Variants in VCP observed in about 807,000 individuals in gnomAD.
VCP encodes the protein transitional endoplasmic reticulum ATPase.
Under a neutral mutation model 85.7 loss-of-function variants are expected in VCP, and 6 were observed. That is an observed-to-expected ratio of 0.07 (90% CI 0.04 to 0.14). The LOEUF (loss-of-function observed/expected upper bound fraction) is 0.14, where lower values mean the gene tolerates loss of function less well. Ranked by LOEUF, VCP falls within the 10% of genes least tolerant of loss-of-function variation. The pLI is 1.00. For synonymous variants in VCP, 384 were observed against 367.1 expected, an observed-to-expected ratio of 1.05 and a Z score of -0.53; for missense variants, 353 against 1,043.4, an observed-to-expected ratio of 0.34 and a Z score of 9.12.
chr9:35,071,673 G>T, intron 1 of VCP: 1 of 980,048 alleles, frequency 1.0e-6, no homozygotes. Context: ...CAGGCCTAAA[G>T]TAAGAAGACC....
Position 35,057,242 on chromosome 9 carries a change from CAA to C in VCP, c.2316-22_2316-21del. 1 of 1,614,094 alleles carries C rather than the reference CAA, an allele frequency of 6.2e-7. No individual in the cohort carries two copies. Among genetic ancestry groups the C allele is most frequent in the Non-Finnish European group, 8.5e-7 (1 of 1,179,996 alleles). On this transcript the variant is annotated intron_variant, in intron 16 of 16. Coordinates refer to ENST00000358901, the MANE Select transcript of VCP (RefSeq NM_007126.5). ...GGGAATCTGTGTACAAGAGCAAAGC[CAA>C]AAAAGAGGGTTAGGACAGGGCCTGT...
intron 4 of VCP, 137 bp from the exon 5 acceptor site, chr9:35,065,518 C>A: frequency 8.9e-7 from 1 of 1,121,980 alleles, no homozygotes. Flanking sequence ...CTCTCCCCAA[C>A]TCCACCCCAC....
chr9:35,066,594 AAG>A, intron 4 of VCP, 79 bp downstream of exon 4: 3 of 1,515,858 alleles, frequency 2.0e-6, no homozygotes, highest in Non-Finnish European at 2.7e-6. Flanking sequence ...AAAAAAAAAA[AAG>A]AAAAAGAAAA....
chr9:35,057,113 C>G lies in VCP; in HGVS notation c.*4G>C, dbSNP rs201091341. On this transcript the variant is annotated 3_prime_UTR_variant, in exon 17 of 17. Transcript: ENST00000358901. ...CCAGCTCACTGCACGCTGGCCACCACCACTTAGCCATACAGGTCATCATCA... is the reference window on the plus strand; with the variant it reads ...CCAGCTCACTGCACGCTGGCCACCAGCACTTAGCCATACAGGTCATCATCA... The G allele has an allele frequency of 6.2e-7, 1 of 1,614,056 alleles. No individual in the cohort carries two copies. The highest frequency in any genetic ancestry group is 8.5e-7 in the Non-Finnish European group (1 of 1,179,998).
intron 2 of VCP, 72 bp downstream of exon 2, chr9:35,068,179 T>G: frequency 6.2e-7 from 1 of 1,607,160 alleles, no homozygotes; most frequent in African/African-American, 1.3e-5. Flanking sequence ...GCAAGAAAAA[T>G]GAGAAAAGAA....
At chr9:35,061,937 G>A in intron 9 of VCP, 66 bp downstream of exon 9, 1 of 1,612,738 alleles carries the variant, frequency 6.2e-7, no homozygotes, top group Non-Finnish European at 8.5e-7. Flanking sequence ...AGGATTAGGT[G>A]ACTTAGATGA....
At chr9:35,071,814 G>C in intron 1 of VCP, 1 of 989,000 alleles carries the variant, frequency 1.0e-6, no homozygotes. Flanking sequence ...TGAGCTCGGC[G>C]GGCCTTCCCC....
At chr9:35,057,328 G>C (rs1828630051) in intron 16 of VCP, 48 bp downstream of exon 16, 1 of 1,613,850 alleles carries the variant, frequency 6.2e-7, no homozygotes, top group Non-Finnish European at 8.5e-7. Context: ...TTTTGGTGTA[G>C]GTCCCCAAAG....
rs1828668373 is a variant in VCP, at chr9:35,059,039, A to G, written c.2160+25T>C. ...CTGCCTGGCTCTCCATGATTGGCAC[A>G]TCTGGGGAAAGGATGCAGACTCACC... On this transcript the variant is annotated intron_variant, in intron 15 of 16. Coordinates refer to ENST00000358901, the MANE Select transcript of VCP (RefSeq NM_007126.5). The surrounding 1 kb of genome is among the most constrained non-coding windows in gnomAD (Gnocchi z 4.9). 6.2e-7 allele frequency: 1 copy of G among 1,613,196 alleles called. No homozygotes were observed. Among genetic ancestry groups the G allele is most frequent in the African/African-American group, 1.3e-5 (1 of 74,906 alleles).
intron 7 of VCP, 130 bp from the exon 8 acceptor site, chr9:35,062,480 C>G: frequency 7.2e-7 from 1 of 1,388,880 alleles, no homozygotes; most frequent in Non-Finnish European, 9.9e-7. Flanking sequence ...CTGCCTACTT[C>G]TCACATCCTC....
In VCP at chr9:35,068,879, T is replaced by C. The variant is rs190709577; in HGVS notation, c.18-517A>G. ...CAGAGGCTTATTGTCTTAAGGGAGATAATGAATGTAAAATGCTTAACATAA... is the reference window on the plus strand; with the variant it reads ...CAGAGGCTTATTGTCTTAAGGGAGACAATGAATGTAAAATGCTTAACATAA... On this transcript the variant is annotated intron_variant, in intron 1 of 16. Coordinates refer to ENST00000358901, the MANE Select transcript of VCP (RefSeq NM_007126.5). Among the ~76,000 whole-genome samples the C allele has an allele frequency of 5.8e-4, 89 of 152,252 alleles. 1 individual carries two copies. The South Asian group carries it at 0.017, about 29-fold the overall frequency.
At chr9:35,064,093 T>G in intron 6 of VCP, 61 bp downstream of exon 6, 6 of 1,610,204 alleles carry the variant, frequency 3.7e-6, no homozygotes, top group Non-Finnish European at 5.1e-6. Flanking sequence ...GGATTAGACA[T>G]TGGGACAGGA....
intron 12 of VCP, 124 bp downstream of exon 12, chr9:35,060,677 A>C: frequency 6.4e-7 from 1 of 1,573,712 alleles, no homozygotes; most frequent in Non-Finnish European, 8.7e-7. Flanking sequence ...CTCAAACCTA[A>C]GAACAGTAGG....
chr9:35,064,091 C>T, intron 6 of VCP, 63 bp downstream of exon 6: 1 of 1,609,706 alleles, frequency 6.2e-7, no homozygotes, highest in South Asian at 1.1e-5. Flanking sequence ...CAGGATTAGA[C>T]ATTGGGACAG....
At chr9:35,065,410 T>TAG in intron 4 of VCP, 29 bp from the exon 5 acceptor site, 2 of 1,613,810 alleles carry the variant, frequency 1.2e-6, no homozygotes, top group Non-Finnish European at 8.5e-7. Context: ...CAAGCACAGT[T>TAG]AGAGGTGTCA....
At chr9:35,061,944 A>G in intron 9 of VCP, 59 bp downstream of exon 9, 5 of 1,613,508 alleles carry the variant, frequency 3.1e-6, no homozygotes, top group Non-Finnish European at 3.4e-6. Flanking sequence ...GGTGACTTAG[A>G]TGAAGGAGAG....
chr9:35,067,269 G>C (rs1006104189), intron 3 of VCP, among the ~76,000 whole-genome samples: 4 of 152,192 alleles, frequency 2.6e-5, no homozygotes, highest in Non-Finnish European at 4.4e-5. Flanking sequence ...CCATTCAAAA[G>C]AATCAAAAGC....
chr9:35,069,670 T>C (rs1361024607), intron 1 of VCP, among the ~76,000 whole-genome samples: 2 of 152,150 alleles, frequency 1.3e-5, no homozygotes, highest in East Asian at 3.9e-4. Flanking sequence ...CAGGCTGGTC[T>C]CGAACTCCTG....
Position 35,061,687 on chromosome 9 carries a change from G to T in VCP, c.1084C>A (p.Arg362Ser). ...CCAATATCTACCTCCCTGTCAAAGC[G>T]ACCTGTGGGACAGTACACAAACATA... Reference protein sequence around the residue: ...SIDPALRRFGRFDREVDIGIP... With the variant: ...SIDPALRRFGSFDREVDIGIP... Residue 362 changes from arginine (R) to serine (S), a missense_variant and splice_region_variant, in exon 10 of 17, where the codon CGC becomes AGC. This residue lies in a region of VCP where 85 missense variants were observed against 345.2 expected (regional missense o/e 0.25). Coordinates refer to ENST00000358901, the MANE Select transcript of VCP (RefSeq NM_007126.5). 8.6e-7 allele frequency: 1 copy of T among 1,159,306 alleles called. No individual in the cohort carries two copies. Among genetic ancestry groups the T allele is most frequent in the South Asian group, 1.2e-5 (1 of 81,434 alleles). The allele number at this position is 1,159,306 out of a possible 1,614,324, so 71.8% of individuals were successfully genotyped here.
Sources: allele counts gnomAD v4.1 joint callset (sites outside exome capture counted in the v4.1 genomes callset), GRCh38; gene constraint gnomAD v4.1.1; regional missense constraint gnomAD v4.1.1; non-coding constraint Gnocchi (gnomAD v3.1); transcripts MANE v1.5; gene names NCBI Gene and HGNC (gene_info 2026-07-23, HGNC 2026-07-21).